Variants in ATP11C observed in about 807,000 individuals in gnomAD.
The protein encoded by ATP11C is ATPase phospholipid transporting 11C (ATP11C blood group).
A neutral mutation model predicts 97.4 loss-of-function variants in ATP11C; 36 were observed. The ratio of observed to expected loss-of-function variants is 0.37; its 90% CI spans 0.28 to 0.49. ATP11C has a LOEUF of 0.49. ATP11C is among the 20% of genes least tolerant of loss of function. The probability of loss-of-function intolerance (pLI) is 0.98; values close to 1 mark genes in which losing one functional copy is unlikely to be tolerated. For synonymous variants in ATP11C, 275 were observed against 290.9 expected, an observed-to-expected ratio of 0.95 and a Z score of 0.56; for missense variants, 730 against 824.6, an observed-to-expected ratio of 0.89 and a Z score of 1.40.
intron 28 of ATP11C, among the ~76,000 whole-genome samples, chrX:139,737,354 C>A (rs1469026329): frequency 9.0e-6 from 1 of 111,352 alleles, no homozygotes; most frequent in Admixed American, 9.6e-5. Context: ...ATAAAACTAT[C>A]TTGAATTTTT....
intron 19 of ATP11C, among the ~76,000 whole-genome samples, chrX:139,771,230 C>T (rs145614600): frequency 0.013 from 1,403 of 111,407 alleles, 12 homozygotes; most frequent in South Asian, 0.035. Flanking sequence ...ATCGGGTTTC[C>T]GCTTTTGCTT....
intron 5 of ATP11C, among the ~76,000 whole-genome samples, chrX:139,810,606 G>C (rs2083150085): frequency 8.9e-6 from 1 of 112,071 alleles, no homozygotes; most frequent in Non-Finnish European, 1.9e-5. Flanking sequence ...CAAATTTGTA[G>C]GCTGTTGCTA....
chrX:139,813,382 G>A (rs1002622151), intron 5 of ATP11C, among the ~76,000 whole-genome samples: 3 of 111,633 alleles, frequency 2.7e-5, no homozygotes, highest in Admixed American at 1.9e-4. Flanking sequence ...CTTACAAAAC[G>A]AAACATACTC....
At chrX:139,871,516 CTTTTTT>C (rs1206468631) in intron 1 of ATP11C, among the ~76,000 whole-genome samples, 6 of 77,192 alleles carry the variant, frequency 7.8e-5, no homozygotes, top group Middle Eastern at 7.8e-3. Flanking sequence ...GCCACCCCCG[CTTTTTT>C]TTTTTTTTTT....
In ATP11C at chrX:139,788,176, A is replaced by T. The variant is rs1313569339; in HGVS notation, c.1520+16T>A. 8.5e-7 allele frequency: 1 copy of T among 1,176,065 alleles called. No individual in the cohort carries two copies. Among genetic ancestry groups the T allele is most frequent in the African/African-American group, 1.8e-5 (1 of 55,805 alleles). ...ATTTCACTTTCTTAGGAGAAGTATAAGAAAGTATACTTTACCTTTTAGCTC... is the reference window on the plus strand; with the variant it reads ...ATTTCACTTTCTTAGGAGAAGTATATGAAAGTATACTTTACCTTTTAGCTC... On this transcript the variant is annotated intron_variant, in intron 14 of 29. Transcript: ENST00000682941.
intron 1 of ATP11C, among the ~76,000 whole-genome samples, chrX:139,855,349 A>G (rs2084072087): frequency 8.9e-6 from 1 of 111,924 alleles, no homozygotes; most frequent in Admixed American, 9.5e-5. Context: ...GTCTTTTAGC[A>G]CATGTACCAC....
chrX:139,897,816 C>A, intron 1 of ATP11C, among the ~76,000 whole-genome samples: 1 of 110,227 alleles, frequency 9.1e-6, no homozygotes, highest in East Asian at 2.8e-4. Context: ...GACTGTAGTC[C>A]CAGCTACTCA....
chrX:139,796,163 T>G (rs1370243519), intron 12 of ATP11C, 110 bp downstream of exon 12: 25 of 554,527 alleles, frequency 4.5e-5, no homozygotes, highest in Non-Finnish European at 6.4e-5. Context: ...GAATTTTCTC[T>G]GAATCACTTT....
At chrX:139,822,681 T>G (rs2083438622) in intron 2 of ATP11C, among the ~76,000 whole-genome samples, 1 of 110,099 alleles carries the variant, frequency 9.1e-6, no homozygotes, top group Admixed American at 9.6e-5. Flanking sequence ...CCCAAAGTGC[T>G]GGGATTACAG....
chrX:139,733,137 TCC>T (rs2148608067), intron 28 of ATP11C, among the ~76,000 whole-genome samples: 1 of 112,192 alleles, frequency 8.9e-6, no homozygotes, highest in Non-Finnish European at 1.9e-5. Context: ...TCCCTGTTTT[TCC>T]TACAGAGTCC....
intron 18 of ATP11C, among the ~76,000 whole-genome samples, chrX:139,778,099 C>G (rs1300128752): frequency 9.0e-6 from 1 of 111,449 alleles, no homozygotes; most frequent in Non-Finnish European, 1.9e-5. Flanking sequence ...TCAAGTGTTC[C>G]TCCCACCTCA....
intron 23 of ATP11C, among the ~76,000 whole-genome samples, chrX:139,753,538 G>A (rs766306635): frequency 8.9e-6 from 1 of 112,106 alleles, no homozygotes; most frequent in Admixed American, 9.4e-5. Flanking sequence ...GCCGGGCACA[G>A]TGGCTGAAGC....
chrX:139,896,138 A>G (rs1325926741), intron 1 of ATP11C, among the ~76,000 whole-genome samples: 7 of 111,714 alleles, frequency 6.3e-5, no homozygotes, highest in Non-Finnish European at 1.1e-4. Context: ...TTTTAAAAAG[A>G]TAACTGTACA....
At chrX:139,807,766 T>TTAACAGAACCCCA (rs1329906231) in intron 5 of ATP11C, among the ~76,000 whole-genome samples, 7 of 109,815 alleles carry the variant, frequency 6.4e-5, no homozygotes, top group African/African-American at 2.3e-4. Flanking sequence ...CCTCGGCAAC[T>TTAACAGAACCCCA]TAACAGAACC....
intron 5 of ATP11C, among the ~76,000 whole-genome samples, chrX:139,805,194 GA>G (rs1244839403): frequency 9.0e-6 from 1 of 111,217 alleles, no homozygotes; most frequent in African/African-American, 3.3e-5. Context: ...ATAGCAATGA[GA>G]AACAATTTCT....
intron 1 of ATP11C, among the ~76,000 whole-genome samples, chrX:139,929,738 A>G (rs2085404238): frequency 8.9e-6 from 1 of 111,847 alleles, no homozygotes; most frequent in Non-Finnish European, 1.9e-5. Context: ...GACTACATCT[A>G]TACTGCTGTG....
At chrX:139,826,926 G>A (rs2083544193) in intron 1 of ATP11C, 103 bp from the exon 2 acceptor site, 4 of 874,765 alleles carry the variant, frequency 4.6e-6, no homozygotes, top group Non-Finnish European at 4.8e-6. Context: ...ATAATCTGGC[G>A]AGAAAGTAGT....
At chrX:139,804,799 G>C (rs911114608) in intron 5 of ATP11C, among the ~76,000 whole-genome samples, 200 bp from the exon 6 acceptor site, 1 of 111,962 alleles carries the variant, frequency 8.9e-6, no homozygotes, top group Admixed American at 9.5e-5. Context: ...AAGGACTTAG[G>C]ATGCTTTCAG....
chrX:139,875,735 A>G (rs1005528951), intron 1 of ATP11C, among the ~76,000 whole-genome samples: 1 of 112,435 alleles, frequency 8.9e-6, no homozygotes, highest in African/African-American at 3.2e-5. Context: ...TCTATATTCC[A>G]GTCCCTGTGA....
Sources: allele counts gnomAD v4.1 joint callset (sites outside exome capture counted in the v4.1 genomes callset), GRCh38; gene constraint gnomAD v4.1.1; transcripts MANE v1.5; gene names NCBI Gene and HGNC (gene_info 2026-07-23, HGNC 2026-07-21).